Variants in ADAM17 observed in about 807,000 individuals in gnomAD.
ADAM17 encodes the protein ADAM metallopeptidase domain 17.
ADAM17 carries 39 observed loss-of-function variants against 96.7 expected under a neutral mutation model. The observed-to-expected ratio is 0.40, with a 90% CI of 0.31 to 0.53. The LOEUF (loss-of-function observed/expected upper bound fraction) is 0.53, where lower values mean the gene tolerates loss of function less well. Ranked by LOEUF, ADAM17 falls within the 20% of genes least tolerant of loss-of-function variation. The pLI, the probability that ADAM17 is intolerant of heterozygous loss-of-function variation, is 0.44. For missense variants in ADAM17, 777 were observed against 1,013.2 expected (o/e 0.77, Z 3.17); for synonymous variants, 344 against 359.2 (o/e 0.96, Z 0.48).
At position 9,510,005 on chromosome 2, in the gene ADAM17, C is replaced by T. The variant is rs780099488; in HGVS notation, c.1318G>A (p.Val440Met). The stretch of plus-strand genomic sequence containing the variant: ...TTATTGTTCTCGTGATCGCCACTCA[C>T]AGCTATGGGATACATGACATATTTC... ...GGKYVMYPIA[V>M]SGDHENNKMF... The change falls in exon 11 of 19, where the codon GTG (valine) becomes ATG (methionine). Residue 440 changes from valine (V) to methionine (M), a missense_variant. Val to Met is a conservative substitution (Grantham distance 21). Around this residue, in one of 3 missense-constraint regions of ADAM17, gnomAD observed 446 missense variants for 664.7 expected, o/e 0.67. Coordinates refer to ENST00000310823, the MANE Select transcript of ADAM17 (RefSeq NM_003183.6). The T allele has an allele frequency of 6.2e-7, 1 of 1,614,150 alleles. No homozygotes were observed. Among genetic ancestry groups the T allele is most frequent in the East Asian group, 2.2e-5 (1 of 44,884 alleles).
Position 9,517,955 on chromosome 2 carries a change from A to G in ADAM17, c.1137T>C (p.Tyr379=). 6.2e-7 allele frequency: 1 copy of G among 1,605,064 alleles called. No homozygotes were observed. Among genetic ancestry groups the G allele is most frequent in the Non-Finnish European group, 8.5e-7 (1 of 1,177,120 alleles). The change falls in exon 10 of 19, where the codon TAT becomes TAC. Residue 379 remains tyrosine (Y), a synonymous_variant. Coordinates refer to ENST00000310823, the MANE Select transcript of ADAM17 (RefSeq NM_003183.6). ...YYSPVGKKNI[Y]LNSGLTSTKN... is the part of the protein sequence containing the mutation. Reference sequence around the variant, plus strand: ...TTGTGCTCGTCAAACCACTATTCAAATAGATATTTTTCTTCCCAACTGGGC... The same window carrying G: ...TTGTGCTCGTCAAACCACTATTCAAGTAGATATTTTTCTTCCCAACTGGGC...
chr2:9,533,589 C>T (rs1401312368), intron 4 of ADAM17, among the ~76,000 whole-genome samples: 4 of 152,194 alleles, frequency 2.6e-5, no homozygotes, highest in Non-Finnish European at 5.9e-5. Flanking sequence ...AATAAGCAGA[C>T]ATATGCACTG....
chr2:9,534,331 T>C (rs985350132), intron 4 of ADAM17, among the ~76,000 whole-genome samples: 5 of 152,096 alleles, frequency 3.3e-5, no homozygotes, highest in Admixed American at 1.3e-4. Flanking sequence ...ACCACGCCAG[T>C]GCACTCTAGC....
Position 9,493,770 on chromosome 2 carries a change from T to C in ADAM17, c.1970A>G (p.Asp657Gly), listed in dbSNP as rs144657795. ...DVIERFWDFI[D>G]QLSINTFGKF... ...ACCAAAAGTATTGATGCTCAGCTGG[T>C]CAATGAAATCCCAAAATCGTTCAAT... Residue 657 changes from aspartate to glycine, a missense_variant, in exon 16 of 19, where the codon GAC (aspartate) becomes GGC (glycine). Asp to Gly is a moderately conservative substitution (Grantham distance 94). Around this residue, in one of 3 missense-constraint regions of ADAM17, gnomAD observed 197 missense variants for 219.4 expected, o/e 0.90. Coordinates refer to ENST00000310823, the MANE Select transcript of ADAM17 (RefSeq NM_003183.6). The C allele has an allele frequency of 1.7e-4, 279 of 1,613,978 alleles. No individual in the cohort carries two copies. Among genetic ancestry groups the C allele is most frequent in the Non-Finnish European group, 2.2e-4 (262 of 1,179,990 alleles).
chr2:9,541,282 G>A (rs1451721804), intron 2 of ADAM17, among the ~76,000 whole-genome samples: 1 of 152,170 alleles, frequency 6.6e-6, no homozygotes, highest in Non-Finnish European at 1.5e-5. Flanking sequence ...AATATTTTGG[G>A]TCGGGCACGG....
chr2:9,504,606 A>G (rs1286903400), intron 12 of ADAM17, among the ~76,000 whole-genome samples: 3 of 151,524 alleles, frequency 2.0e-5, no homozygotes, highest in African/African-American at 7.3e-5. Flanking sequence ...CTCTACTAAT[A>G]CAAAAAATTA....
intron 10 of ADAM17, among the ~76,000 whole-genome samples, chr2:9,511,849 T>C (rs1254573230): frequency 6.6e-6 from 1 of 151,854 alleles, no homozygotes; most frequent in Non-Finnish European, 1.5e-5. Context: ...TGGGCGCCTG[T>C]AATCGCAGCT....
intron 8 of ADAM17, among the ~76,000 whole-genome samples, chr2:9,520,494 C>A (rs1393144636): frequency 1.3e-5 from 2 of 152,144 alleles, no homozygotes; most frequent in African/African-American, 2.4e-5. Flanking sequence ...ATGTTCATAA[C>A]CTGTTTGATA....
At chr2:9,528,360 C>T (rs973502515) in intron 4 of ADAM17, among the ~76,000 whole-genome samples, 1 of 152,148 alleles carries the variant, frequency 6.6e-6, no homozygotes, top group Non-Finnish European at 1.5e-5. Flanking sequence ...GTTCATGCAG[C>T]ATTTTCATTT....
intron 1 of ADAM17, among the ~76,000 whole-genome samples, chr2:9,549,997 T>G (rs1572963306): frequency 6.6e-6 from 1 of 152,146 alleles, no homozygotes; most frequent in African/African-American, 2.4e-5. Flanking sequence ...CTACTTCTGA[T>G]ATCAGAAATG....
chr2:9,490,315 C>T lies in ADAM17; in HGVS notation c.2337G>A (p.Lys779=). The T allele has an allele frequency of 1.9e-6, 3 of 1,614,116 alleles. No individual in the cohort carries two copies. Among genetic ancestry groups the T allele is most frequent in the Non-Finnish European group, 8.5e-7 (1 of 1,180,028 alleles). ...CTGTGCTGCTATTTGGGAAGGGGTC[C>T]TTCTCAAACCCATCCTCGTCCATAT... ...DSHMDEDGFE[K]DPFPNSSTAA... The change falls in exon 19 of 19, where the codon AAG becomes AAA. Residue 779 remains lysine (K), a synonymous_variant. Coordinates refer to ENST00000310823, the MANE Select transcript of ADAM17 (RefSeq NM_003183.6).
rs1452989259 is a variant in ADAM17 at position 9,534,775 on chromosome 2, T to C, written c.450+1059A>G. ...TAGTAGTTATCTGTCCAAGTACAGA[T>C]AATCTATTTTCCGAATTTTGCAATG... On this transcript the variant is annotated intron_variant, in intron 4 of 18. Transcript: ENST00000310823. Among the ~76,000 whole-genome samples, 3 of 152,344 alleles carry C rather than the reference T, an allele frequency of 2.0e-5. No homozygotes were observed. In the East Asian group the frequency reaches 5.8e-4, roughly 29 times the overall value.
At chr2:9,522,361 TTTGAC>T in intron 7 of ADAM17, 1 of 546,040 alleles carries the variant, frequency 1.8e-6, no homozygotes, top group South Asian at 2.5e-5. Flanking sequence ...AAGGAACTGG[TTTGAC>T]AATAAACAGG....
intron 1 of ADAM17, among the ~76,000 whole-genome samples, chr2:9,544,124 T>TACCCTCC (rs1205311004): frequency 6.6e-6 from 1 of 152,178 alleles, no homozygotes; most frequent in East Asian, 1.9e-4. Context: ...CCCAATACCC[T>TACCCTCC]ACCCTCCTAC....
intron 18 of ADAM17, among the ~76,000 whole-genome samples, chr2:9,490,763 T>TA (rs1572870109): frequency 6.6e-6 from 1 of 151,486 alleles, no homozygotes; most frequent in South Asian, 2.1e-4. Context: ...CCTGAAAACT[T>TA]ACTTACCATT....
intron 1 of ADAM17, among the ~76,000 whole-genome samples, chr2:9,544,393 A>G (rs1665328315): frequency 6.6e-6 from 1 of 152,062 alleles, no homozygotes; most frequent in South Asian, 2.1e-4. Flanking sequence ...TTAGCCGGGC[A>G]TGGTGGTGCA....
At chr2:9,552,064 G>T (rs1014455017) in intron 1 of ADAM17, among the ~76,000 whole-genome samples, 6 of 152,158 alleles carry the variant, frequency 3.9e-5, no homozygotes, top group African/African-American at 1.4e-4. Flanking sequence ...TCAGATTAGG[G>T]ATGCTCAACC....
intron 11 of ADAM17, among the ~76,000 whole-genome samples, chr2:9,506,359 GTTTTTTTTTTTT>G (rs769256744): frequency 1.9e-4 from 14 of 73,242 alleles, no homozygotes; most frequent in African/African-American, 4.5e-4. Context: ...CTTCAAATCT[GTTTTTTTTTTTT>G]TTTTTTTTTT....
At position 9,536,680 on chromosome 2, in the gene ADAM17, A is replaced by G; in HGVS notation, c.361+18T>C. 1.9e-6 allele frequency: 3 copies of G among 1,613,284 alleles called. No individual in the cohort carries two copies. Among genetic ancestry groups the G allele is most frequent in the Non-Finnish European group, 2.5e-6 (3 of 1,179,660 alleles). On this transcript the variant is annotated intron_variant, in intron 3 of 18. Coordinates refer to ENST00000310823, the MANE Select transcript of ADAM17 (RefSeq NM_003183.6). Reference sequence around the variant, plus strand: ...AATACACCAGACACAGGGGCAAACCAACAAGCTCCATACTAACCAACCACG... The same window carrying G: ...AATACACCAGACACAGGGGCAAACCGACAAGCTCCATACTAACCAACCACG...
Sources: gnomAD v4.1 joint callset for allele counts (sites outside exome capture counted in the v4.1 genomes callset) on GRCh38, gnomAD v4.1.1 for gene constraint, gnomAD v4.1.1 regional missense constraint, MANE v1.5 for transcripts, NCBI Gene and HGNC (gene_info 2026-07-23, HGNC 2026-07-21) for gene names.